QTMAN: variants seen among roughly 807,000 people sequenced by gnomAD.
The protein encoded by QTMAN is tRNA-queuosine alpha-mannosyltransferase.
the QTMAN span, among the ~76,000 whole-genome samples, chr2:143,984,152 C>T: frequency 1.3e-5 from 2 of 152,148 alleles, no homozygotes; most frequent in Admixed American, 6.5e-5. Flanking sequence ...ACCAAGTCAC[C>T]TTCATAGAAA....
At chr2:144,234,350 A>G in the QTMAN span, among the ~76,000 whole-genome samples, 1 of 152,166 alleles carries the variant, frequency 6.6e-6, no homozygotes, top group Non-Finnish European at 1.5e-5. Flanking sequence ...TCTGGTGACT[A>G]AAAGACACCA....
chr2:144,237,846 G>A, the QTMAN span, among the ~76,000 whole-genome samples: 1 of 152,110 alleles, frequency 6.6e-6, no homozygotes, highest in African/African-American at 2.4e-5. Flanking sequence ...TTACTCTCTT[G>A]GATCTTCCTG....
At chr2:144,253,128 G>C in the QTMAN span, among the ~76,000 whole-genome samples, 3 of 152,048 alleles carry the variant, frequency 2.0e-5, no homozygotes, top group Non-Finnish European at 4.4e-5. Context: ...GTTTTATAAG[G>C]AGCTTTTCCC....
chr2:143,996,477 T>C, the QTMAN span, among the ~76,000 whole-genome samples: 1 of 152,146 alleles, frequency 6.6e-6, no homozygotes, highest in Non-Finnish European at 1.5e-5. Context: ...ATGCTAGGAC[T>C]CTGGCTCTTG....
chr2:144,233,772 C>T, the QTMAN span, among the ~76,000 whole-genome samples: 1 of 152,090 alleles, frequency 6.6e-6, no homozygotes, highest in Admixed American at 6.6e-5. Flanking sequence ...ACCCAAGAAA[C>T]AAAGTTATGC....
the QTMAN span, among the ~76,000 whole-genome samples, chr2:144,217,629 T>C: frequency 5.9e-5 from 9 of 152,088 alleles, no homozygotes; most frequent in Non-Finnish European, 1.0e-4. Flanking sequence ...TTGGGATTCC[T>C]CCCAGAGTCC....
At chr2:144,302,715 C>T in the QTMAN span, among the ~76,000 whole-genome samples, 1 of 152,272 alleles carries the variant, frequency 6.6e-6, no homozygotes, top group African/African-American at 2.4e-5. Flanking sequence ...ATTTGATGGG[C>T]TTACAAAGTA....
chr2:144,036,810 A>T, the QTMAN span, among the ~76,000 whole-genome samples: 1 of 152,116 alleles, frequency 6.6e-6, no homozygotes, highest in Non-Finnish European at 1.5e-5. Flanking sequence ...TGCAACAGGA[A>T]TTTTTTTGGG....
the QTMAN span, among the ~76,000 whole-genome samples, chr2:144,241,245 C>A: frequency 1.3e-5 from 2 of 152,182 alleles, no homozygotes; most frequent in Non-Finnish European, 2.9e-5. Context: ...TTTAACAAGT[C>A]TTTCAGATAA....
At chr2:143,956,537 A>T in the QTMAN span, among the ~76,000 whole-genome samples, 2 of 152,220 alleles carry the variant, frequency 1.3e-5, no homozygotes, top group South Asian at 4.1e-4. Flanking sequence ...ATCTATTTAA[A>T]ATTATTAGAA....
the QTMAN span, among the ~76,000 whole-genome samples, chr2:144,329,427 C>A: frequency 6.6e-6 from 1 of 152,144 alleles, no homozygotes; most frequent in Non-Finnish European, 1.5e-5. Flanking sequence ...AGTCCAAACT[C>A]TGAAGTAAAG....
chr2:144,059,853 C>CTGAG, the QTMAN span, among the ~76,000 whole-genome samples: 12 of 152,114 alleles, frequency 7.9e-5, no homozygotes, highest in Non-Finnish European at 1.5e-4. Context: ...AGGTGTTAGC[C>CTGAG]AAAATTTCAT....
At chr2:144,284,798 C>T in the QTMAN span, among the ~76,000 whole-genome samples, 1 of 152,086 alleles carries the variant, frequency 6.6e-6, no homozygotes, top group African/African-American at 2.4e-5. Flanking sequence ...TTTAGGACGC[C>T]GTGGAGTGAG....
the QTMAN span, among the ~76,000 whole-genome samples, chr2:144,126,788 T>C: frequency 6.6e-6 from 1 of 151,964 alleles, no homozygotes; most frequent in Non-Finnish European, 1.5e-5. Context: ...CCCAAAGGCA[T>C]GTTTCGTGGA....
the QTMAN span, among the ~76,000 whole-genome samples, chr2:144,093,838 G>A: frequency 6.6e-6 from 1 of 152,100 alleles, no homozygotes; most frequent in East Asian, 1.9e-4. Flanking sequence ...CCTACCCAGT[G>A]CTTGGTACAC....
chr2:143,970,458 G>T, the QTMAN span, among the ~76,000 whole-genome samples: 1 of 152,018 alleles, frequency 6.6e-6, no homozygotes. Flanking sequence ...ATGACTTCAC[G>T]TTCTCAACTT....
At chr2:144,127,672 GCA>G in the QTMAN span, among the ~76,000 whole-genome samples, 4 of 152,058 alleles carry the variant, frequency 2.6e-5, no homozygotes, top group African/African-American at 9.6e-5. Context: ...CATGGGAAGG[GCA>G]GAGAGATGTG....
the QTMAN span, among the ~76,000 whole-genome samples, chr2:144,031,458 G>C: frequency 3.9e-5 from 6 of 152,156 alleles, no homozygotes; most frequent in Non-Finnish European, 7.3e-5. Context: ...CATGAAGCCA[G>C]GAAAGAATGT....
At chr2:144,185,195 G>A in the QTMAN span, among the ~76,000 whole-genome samples, 1 of 152,144 alleles carries the variant, frequency 6.6e-6, no homozygotes, top group East Asian at 1.9e-4. Context: ...CAATAATACT[G>A]TAAGGTAGGT....
Sources: gnomAD v4.1 joint callset for allele counts (sites outside exome capture counted in the v4.1 genomes callset) on GRCh38, gnomAD v4.1.1 for gene constraint, MANE v1.5 for transcripts, NCBI Gene and HGNC (gene_info 2026-07-23, HGNC 2026-07-21) for gene names.